MACROD2: variants seen among roughly 807,000 people sequenced by gnomAD.
MACROD2 encodes ADP-ribose glycohydrolase MACROD2.
Under a neutral mutation model 70.4 loss-of-function variants are expected in MACROD2, and 36 were observed. That is an observed-to-expected ratio of 0.51 (90% confidence interval 0.39 to 0.68). MACROD2 has a LOEUF of 0.68. MACROD2 is among the 30% of genes least tolerant of loss of function. MACROD2 has a pLI of 0.00. For synonymous variants in MACROD2, 172 were observed against 178.8 expected (o/e 0.96, Z 0.30); for missense variants, 496 against 538.4 (o/e 0.92, Z 0.78).
chr20:15,280,060 A>T (rs2077429243), intron 6 of MACROD2, among the ~76,000 whole-genome samples: 1 of 152,222 alleles, frequency 6.6e-6, no homozygotes, highest in Non-Finnish European at 1.5e-5. Flanking sequence ...CAGAAATCTG[A>T]ATTATATTTG....
intron 7 of MACROD2, among the ~76,000 whole-genome samples, chr20:15,458,925 G>A (rs1378048069): frequency 1.3e-5 from 2 of 152,020 alleles, no homozygotes; most frequent in East Asian, 1.9e-4. Flanking sequence ...GAGTCCTTAG[G>A]CTTTCAGCAG....
intron 10 of MACROD2, among the ~76,000 whole-genome samples, chr20:15,910,884 T>C (rs1416236984): frequency 2.0e-5 from 3 of 152,228 alleles, no homozygotes; most frequent in Non-Finnish European, 4.4e-5. Context: ...TGATACTTAA[T>C]TAGCTAATTT....
chr20:14,127,973 A>G, intron 3 of MACROD2: 1 of 516,944 alleles, frequency 1.9e-6, no homozygotes, highest in Non-Finnish European at 3.8e-6. Context: ...AAATAGTCCC[A>G]AGAACAGTTG....
chr20:14,527,053 G>A (rs2085242110), intron 4 of MACROD2, among the ~76,000 whole-genome samples: 1 of 152,238 alleles, frequency 6.6e-6, no homozygotes, highest in Admixed American at 6.5e-5. Flanking sequence ...AGCCAGAAGG[G>A]AGATGGTTTT....
chr20:14,653,261 C>G (rs1985781826), intron 4 of MACROD2, among the ~76,000 whole-genome samples: 1 of 151,192 alleles, frequency 6.6e-6, no homozygotes, highest in Non-Finnish European at 1.5e-5. Flanking sequence ...CTCTGTTGCC[C>G]AGGCTGGAGT....
chr20:15,192,920 G>A (rs533510965), intron 5 of MACROD2, among the ~76,000 whole-genome samples: 3 of 152,224 alleles, frequency 2.0e-5, no homozygotes, highest in Non-Finnish European at 2.9e-5. Flanking sequence ...CTCTAACTCC[G>A]CAGTGAATTT....
chr20:15,145,525 G>C (rs553231259), intron 5 of MACROD2, among the ~76,000 whole-genome samples: 1 of 152,142 alleles, frequency 6.6e-6, no homozygotes, highest in Admixed American at 6.5e-5. Context: ...TTATTCCAAA[G>C]ACATCTAAAT....
chr20:14,131,551 C>T (rs369460927), intron 3 of MACROD2, among the ~76,000 whole-genome samples: 4 of 152,144 alleles, frequency 2.6e-5, no homozygotes, highest in African/African-American at 7.2e-5. Flanking sequence ...CAGAAGATGT[C>T]AGTTTAAATG....
At chr20:14,617,760 ACT>A (rs1279501968) in intron 4 of MACROD2, among the ~76,000 whole-genome samples, 1 of 152,038 alleles carries the variant, frequency 6.6e-6, no homozygotes, top group Non-Finnish European at 1.5e-5. Flanking sequence ...ACACTATGAG[ACT>A]CTGCGAAATT....
intron 5 of MACROD2, among the ~76,000 whole-genome samples, chr20:15,136,919 A>T (rs1406654864): frequency 7.0e-6 from 1 of 142,538 alleles, no homozygotes; most frequent in East Asian, 2.0e-4. Context: ...GACAATTCTC[A>T]AAAGAAGACA....
chr20:15,361,705 T>C (rs573835207), intron 6 of MACROD2, among the ~76,000 whole-genome samples: 1 of 152,322 alleles, frequency 6.6e-6, no homozygotes, highest in East Asian at 1.9e-4. Flanking sequence ...ATGCTTCTTC[T>C]GTTTTTAGAT....
At chr20:14,139,269 C>T (rs2054838729) in intron 3 of MACROD2, among the ~76,000 whole-genome samples, 1 of 152,202 alleles carries the variant, frequency 6.6e-6, no homozygotes, top group East Asian at 1.9e-4. Flanking sequence ...GGATTACAGG[C>T]GTGAGCCATT....
intron 5 of MACROD2, among the ~76,000 whole-genome samples, chr20:14,961,851 C>T (rs1454409700): frequency 6.6e-6 from 1 of 152,156 alleles, no homozygotes; most frequent in Non-Finnish European, 1.5e-5. Flanking sequence ...TCTCTCATCC[C>T]ACTCCTTCTA....
intron 3 of MACROD2, among the ~76,000 whole-genome samples, chr20:14,404,235 A>G (rs2083668929): frequency 6.6e-6 from 1 of 152,176 alleles, no homozygotes; most frequent in Admixed American, 6.6e-5. Flanking sequence ...ATGAGATAAT[A>G]AGAGAATAGG....
chr20:15,268,214 T>G (rs2077313936), intron 6 of MACROD2, among the ~76,000 whole-genome samples: 1 of 152,160 alleles, frequency 6.6e-6, no homozygotes, highest in Admixed American at 6.5e-5. Flanking sequence ...AGAACAGGTG[T>G]TCAAGATTAG....
intron 3 of MACROD2, among the ~76,000 whole-genome samples, chr20:14,136,303 G>A (rs1018766153): frequency 6.6e-6 from 1 of 152,050 alleles, no homozygotes; most frequent in African/African-American, 2.4e-5. Flanking sequence ...AATTCATAGA[G>A]GAATAAAAAG....
At chr20:15,052,917 T>C (rs1704911829) in intron 5 of MACROD2, among the ~76,000 whole-genome samples, 1 of 152,192 alleles carries the variant, frequency 6.6e-6, no homozygotes, top group African/African-American at 2.4e-5. Context: ...ATAAGAATGA[T>C]AAGAAAGTGA....
chr20:15,636,051 G>A (rs1379984927), intron 8 of MACROD2, among the ~76,000 whole-genome samples: 4 of 132,098 alleles, frequency 3.0e-5, no homozygotes, highest in Admixed American at 8.9e-5. Flanking sequence ...CAGCCTGGGC[G>A]ACAGAGCGAG....
At chr20:14,611,637 T>C (rs1275504210) in intron 4 of MACROD2, among the ~76,000 whole-genome samples, 1 of 152,086 alleles carries the variant, frequency 6.6e-6, no homozygotes, top group Non-Finnish European at 1.5e-5. Flanking sequence ...GTAGGTGCTC[T>C]GCAGACCTGG....
Sources: allele counts gnomAD v4.1 joint callset (sites outside exome capture counted in the v4.1 genomes callset), GRCh38; gene constraint gnomAD v4.1.1; transcripts MANE v1.5; gene names NCBI Gene and HGNC (gene_info 2026-07-23, HGNC 2026-07-21).